MTMR14: variants seen among roughly 807,000 people sequenced by gnomAD.
MTMR14 encodes myotubularin related protein 14.
Under a neutral mutation model 86.3 loss-of-function variants are expected in MTMR14, and 48 were observed. The observed-to-expected ratio is 0.56, with a 90% CI of 0.44 to 0.71. MTMR14 has a LOEUF of 0.71. Among genes scored for constraint, MTMR14 ranks in the 30% least tolerant of loss-of-function variants. The probability of loss-of-function intolerance (pLI) is 0.00; values close to 1 mark genes in which losing one functional copy is unlikely to be tolerated. For missense variants in MTMR14, 780 were observed against 834.6 expected (o/e 0.93, Z 0.81); for synonymous variants, 366 against 326.1 (o/e 1.12, Z -1.32).
At chr3:9,669,575 G>A in intron 5 of MTMR14, 83 bp downstream of exon 5, 1 of 1,442,178 alleles carries the variant, frequency 6.9e-7, no homozygotes, top group Non-Finnish European at 9.5e-7. Flanking sequence ...TATTGTCCGT[G>A]GGTATTTGTC....
At chr3:9,683,479 G>A (rs186943130) in intron 10 of MTMR14, 14 of 526,388 alleles carry the variant, frequency 2.7e-5, no homozygotes, top group African/African-American at 1.9e-4. Flanking sequence ...CATCTATGCC[G>A]TGCACAGGGT....
chr3:9,673,181 C>T (rs1559584130), intron 7 of MTMR14, among the ~76,000 whole-genome samples: 2 of 152,202 alleles, frequency 1.3e-5, no homozygotes, highest in Admixed American at 1.3e-4. Flanking sequence ...GAGTGGATGT[C>T]ACCCTTTGGG....
chr3:9,677,173 G>T lies in MTMR14; in HGVS notation c.752-144G>T. 1.4e-6 allele frequency: 1 copy of T among 709,252 alleles called. No individual in the cohort carries two copies. The highest frequency in any genetic ancestry group is 2.5e-6 in the Non-Finnish European group (1 of 404,288). 43.9% of individuals were successfully genotyped at this position (709,252 alleles called of 1,614,324 possible). On this transcript the variant is annotated intron_variant, in intron 7 of 18. Transcript: ENST00000296003. This position sits in a 1 kb window ranked among gnomAD's most constrained non-coding sequence, Gnocchi z 4.2. Reference sequence around the variant, plus strand: ...GCTTTTGCCCACCCGTGTCAGCCTTGGCCTCACTGAAGCCACTAGCTTGGA... The same window carrying T: ...GCTTTTGCCCACCCGTGTCAGCCTTTGCCTCACTGAAGCCACTAGCTTGGA...
chr3:9,695,087 G>A (rs907326750), intron 17 of MTMR14, among the ~76,000 whole-genome samples: 2 of 152,296 alleles, frequency 1.3e-5, no homozygotes, highest in South Asian at 2.1e-4. Flanking sequence ...TCTGTTTGCT[G>A]CTCAGGGCAA....
At chr3:9,663,760 G>A (rs1276149015) in intron 3 of MTMR14, among the ~76,000 whole-genome samples, 2 of 151,518 alleles carry the variant, frequency 1.3e-5, no homozygotes, top group African/African-American at 2.4e-5. Context: ...TGATCCTCCT[G>A]CCTCGGCCTC....
At chr3:9,673,635 G>A (rs1030935499) in intron 7 of MTMR14, among the ~76,000 whole-genome samples, 1 of 152,098 alleles carries the variant, frequency 6.6e-6, no homozygotes, top group African/African-American at 2.4e-5. Flanking sequence ...CATGAGCAAG[G>A]GCAGGCAGGT....
At chr3:9,676,925 C>T (rs1469712548) in intron 7 of MTMR14, among the ~76,000 whole-genome samples, 1 of 152,212 alleles carries the variant, frequency 6.6e-6, no homozygotes, top group Non-Finnish European at 1.5e-5. Flanking sequence ...AAGAGTGATC[C>T]TCTGCAGCTA....
intron 6 of MTMR14, 88 bp from the exon 7 acceptor site, chr3:9,672,597 C>T (rs1221000138): frequency 8.5e-7 from 1 of 1,170,530 alleles, no homozygotes; most frequent in Non-Finnish European, 1.3e-6. Context: ...GCAGAAGCTT[C>T]ATTTGTGATT....
chr3:9,701,547 TCCC>T lies in MTMR14; in HGVS notation c.1770-242_1770-240del. 1.8e-6 allele frequency: 1 copy of T among 570,772 alleles called. No homozygotes were observed. Among genetic ancestry groups the T allele is most frequent in the Non-Finnish European group, 3.1e-6 (1 of 321,582 alleles). The allele number at this position is 570,772 out of a possible 1,614,324, so 35.4% of individuals were successfully genotyped here. A position where few individuals can be genotyped will look rare whatever the true frequency, so the allele number is the denominator to read the frequency against. ...AAGAAAAAAAAAAAAAAGGTTAGTG[TCCC>T]AGTAAAAGCTCCTGCTCTAGGTGGG... On this transcript the variant is annotated intron_variant, in intron 18 of 18. Coordinates refer to ENST00000296003, the MANE Select transcript of MTMR14 (RefSeq NM_001077525.3). This position sits in a 1 kb window ranked among gnomAD's most constrained non-coding sequence, Gnocchi z 4.2.
chr3:9,688,549 T>C, intron 14 of MTMR14, 147 bp from the exon 15 acceptor site: 2 of 859,620 alleles, frequency 2.3e-6, no homozygotes. Flanking sequence ...GTGGCCCTGG[T>C]GTCTTATAAC....
chr3:9,652,829 A>T (rs2124925658), intron 1 of MTMR14, among the ~76,000 whole-genome samples: 1 of 152,256 alleles, frequency 6.6e-6, no homozygotes, highest in Middle Eastern at 3.4e-3. Flanking sequence ...ATCTCTACTA[A>T]AAATATGAAA....
intron 6 of MTMR14, among the ~76,000 whole-genome samples, chr3:9,671,902 G>A (rs977645190): frequency 1.3e-5 from 2 of 152,132 alleles, no homozygotes; most frequent in South Asian, 2.1e-4. Context: ...TGAGGCTAAC[G>A]TTAGAGCTCA....
Position 9,649,545 on chromosome 3 carries a change from G to A in MTMR14, c.-39G>A. 1.3e-6 allele frequency: 2 copies of A among 1,519,668 alleles called. No individual in the cohort carries two copies. Among genetic ancestry groups the A allele is most frequent in the Non-Finnish European group, 1.8e-6 (2 of 1,135,532 alleles). The allele number at this position is 1,519,668 out of a possible 1,614,324, so 94.1% of individuals were successfully genotyped here. A position where few individuals can be genotyped will look rare whatever the true frequency, so the allele number is the denominator to read the frequency against. On this transcript the variant is annotated 5_prime_UTR_variant, in exon 1 of 19. Coordinates refer to ENST00000296003, the MANE Select transcript of MTMR14 (RefSeq NM_001077525.3). ...AGTTGGGTGCAGGCAGGTGCCATGGGCCCGCTTGAGGCACACTGAGGGGAC... is the reference window on the plus strand; with the variant it reads ...AGTTGGGTGCAGGCAGGTGCCATGGACCCGCTTGAGGCACACTGAGGGGAC...
chr3:9,677,538 C>A lies in MTMR14; in HGVS notation c.822+151C>A. On this transcript the variant is annotated intron_variant, in intron 8 of 18. Transcript: ENST00000296003. The surrounding 1 kb of genome is among the most constrained non-coding windows in gnomAD (Gnocchi z 4.2). ...CCTGATTGTTTCTGTCTTCCTCTCC[C>A]TCTTCTCCTTGTATATACTTGTTAA... 1 of 714,832 alleles carries A rather than the reference C, an allele frequency of 1.4e-6. No individual in the cohort carries two copies. The highest frequency in any genetic ancestry group is 2.5e-6 in the Non-Finnish European group (1 of 395,984). 44.3% of individuals were successfully genotyped at this position (714,832 alleles called of 1,614,324 possible).
chr3:9,687,999 G>C (rs373740394), intron 14 of MTMR14, 108 bp downstream of exon 14: 4 of 957,454 alleles, frequency 4.2e-6, no homozygotes, highest in African/African-American at 3.2e-5. Context: ...CTCCCTGCTT[G>C]TTGGGCTGGT....
intron 14 of MTMR14, 118 bp from the exon 15 acceptor site, chr3:9,688,578 C>T (rs944814295): frequency 1.6e-5 from 18 of 1,150,766 alleles, no homozygotes; most frequent in Non-Finnish European, 1.6e-5. Flanking sequence ...GGCTAGGACC[C>T]GTCTCCACAA....
intron 6 of MTMR14, among the ~76,000 whole-genome samples, chr3:9,672,187 A>G (rs1196458308): frequency 6.6e-6 from 1 of 152,124 alleles, no homozygotes; most frequent in Non-Finnish European, 1.5e-5. Context: ...TTGCTGTAGT[A>G]TTAGAGGGGG....
At chr3:9,649,842 T>C (rs11706340) in intron 1 of MTMR14, 100 bp downstream of exon 1, 154,434 of 1,560,632 alleles carry the variant, frequency 0.099, 8,699 homozygotes, top group African/African-American at 0.24. Context: ...GAGTGGTACC[T>C]CGCCGCTGAG....
At chr3:9,651,524 A>G (rs2047292570) in intron 1 of MTMR14, among the ~76,000 whole-genome samples, 1 of 152,166 alleles carries the variant, frequency 6.6e-6, no homozygotes, top group East Asian at 1.9e-4. Context: ...GCTGGCCTTA[A>G]TTATCTCTCC....
Sources: allele counts gnomAD v4.1 joint callset (sites outside exome capture counted in the v4.1 genomes callset), GRCh38; gene constraint gnomAD v4.1.1; non-coding constraint Gnocchi (gnomAD v3.1); transcripts MANE v1.5; gene names NCBI Gene and HGNC (gene_info 2026-07-23, HGNC 2026-07-21).